The following SLC6A2 variants were observed in gnomAD, a reference collection of about 807,000 sequenced individuals.
The protein encoded by SLC6A2 is sodium-dependent noradrenaline transporter.
SLC6A2 carries 26 observed loss-of-function variants against 71.7 expected under a neutral mutation model. The ratio of observed to expected loss-of-function variants is 0.36; its 90% CI spans 0.27 to 0.50. SLC6A2 has a LOEUF of 0.50. Among genes scored for constraint, SLC6A2 ranks in the 20% least tolerant of loss-of-function variants. SLC6A2 has a pLI of 0.96. For synonymous variants in SLC6A2, 363 were observed against 337.9 expected, an observed-to-expected ratio of 1.07 and a Z score of -0.82; for missense variants, 581 against 803.9, an observed-to-expected ratio of 0.72 and a Z score of 3.35.
intron 4 of SLC6A2, among the ~76,000 whole-genome samples, chr16:55,682,993 A>G (rs1470436245): frequency 6.6e-6 from 1 of 152,232 alleles, no homozygotes; most frequent in East Asian, 1.9e-4. Flanking sequence ...TCCGAGGCCC[A>G]GATGGGCTGG....
Position 55,703,484 on chromosome 16 carries a change from C to G in SLC6A2, c.*1138C>G, listed in dbSNP as rs1966034684. On this transcript the variant is annotated 3_prime_UTR_variant, in exon 15 of 15. Coordinates refer to ENST00000568943, the MANE Select transcript of SLC6A2 (RefSeq NM_001172501.3). ...GAGACAAGCAGCCCAGAAATACTCT[C>G]TCAAGTGGAGGGGAGAATTTTGAGA... 1 of 985,300 alleles carries G rather than the reference C, an allele frequency of 1.0e-6. No individual in the cohort carries two copies. The highest frequency in any genetic ancestry group is 1.7e-5 in the African/African-American group (1 of 57,234). 61.0% of individuals were successfully genotyped at this position (985,300 alleles called of 1,614,324 possible). A position where few individuals can be genotyped will look rare whatever the true frequency, so the allele number is the denominator to read the frequency against.
chr16:55,659,943 G>T (rs9937434), intron 2 of SLC6A2, among the ~76,000 whole-genome samples: 1 of 151,992 alleles, frequency 6.6e-6, no homozygotes, highest in Admixed American at 6.6e-5. Flanking sequence ...AATAACTCAT[G>T]GAGAGCCTGG....
chr16:55,679,890 C>T (rs567012783), intron 4 of SLC6A2, among the ~76,000 whole-genome samples: 26 of 152,280 alleles, frequency 1.7e-4, no homozygotes, highest in Admixed American at 1.0e-3. Flanking sequence ...TCGATGCTTT[C>T]GACTTTTTCG....
At chr16:55,701,384 T>C (rs1280638921) in intron 13 of SLC6A2, among the ~76,000 whole-genome samples, 1 of 152,234 alleles carries the variant, frequency 6.6e-6, no homozygotes, top group Non-Finnish European at 1.5e-5. Flanking sequence ...AGAGGCTTCC[T>C]GCTACCAGTG....
At chr16:55,662,435 G>T (rs545106825) in intron 2 of SLC6A2, among the ~76,000 whole-genome samples, 9 of 152,322 alleles carry the variant, frequency 5.9e-5, no homozygotes, top group African/African-American at 1.9e-4. Context: ...AGGGGCTCAT[G>T]ATATGCTGCA....
Position 55,703,305 on chromosome 16 carries a change from A to C in SLC6A2, c.*959A>C. 2.0e-6 allele frequency: 2 copies of C among 985,472 alleles called. No homozygotes were observed. The highest frequency in any genetic ancestry group is 2.4e-6 in the Non-Finnish European group (2 of 829,954). The allele number at this position is 985,472 out of a possible 1,614,324, so 61.0% of individuals were successfully genotyped here. On this transcript the variant is annotated 3_prime_UTR_variant, in exon 15 of 15. Transcript: ENST00000568943. Reference sequence around the variant, plus strand: ...CAAGGCCAGGTGGGTGCCCAAAGGGAGCCTGACAGGCTGTTGTGTTAATTT... The same window carrying C: ...CAAGGCCAGGTGGGTGCCCAAAGGGCGCCTGACAGGCTGTTGTGTTAATTT...
rs1286341845 is a variant in SLC6A2 at position 55,704,091 on chromosome 16, A to G, written c.*1745A>G. The G allele has an allele frequency of 6.6e-6, 1 of 152,236 alleles. No homozygotes were observed. Among genetic ancestry groups the G allele is most frequent in the Non-Finnish European group, 1.5e-5 (1 of 68,044 alleles). 9.4% of individuals were successfully genotyped at this position (152,236 alleles called of 1,614,324 possible). A position where few individuals can be genotyped will look rare whatever the true frequency, so the allele number is the denominator to read the frequency against. On this transcript the variant is annotated 3_prime_UTR_variant, in exon 15 of 15. Coordinates refer to ENST00000568943, the MANE Select transcript of SLC6A2 (RefSeq NM_001172501.3). The stretch of plus-strand genomic sequence containing the variant: ...ACAATCAGGTCGGGGTCTGGGCCCC[A>G]TTAGTGACTTTATATCCTCCCATAA...
chr16:55,663,450 A>T (rs1437633466), intron 2 of SLC6A2, among the ~76,000 whole-genome samples: 2 of 152,114 alleles, frequency 1.3e-5, no homozygotes, highest in Non-Finnish European at 2.9e-5. Context: ...CCCACCAGAT[A>T]CAGCTGCCCA....
intron 4 of SLC6A2, among the ~76,000 whole-genome samples, chr16:55,683,830 C>T (rs1222880988): frequency 6.6e-6 from 1 of 152,084 alleles, no homozygotes; most frequent in South Asian, 2.1e-4. Context: ...TAGTCAGTAA[C>T]CCCCTCAACC....
chr16:55,674,282 G>A (rs1384686986), intron 4 of SLC6A2, among the ~76,000 whole-genome samples: 5 of 152,024 alleles, frequency 3.3e-5, no homozygotes, highest in Non-Finnish European at 7.3e-5. Context: ...GTAAGAACGT[G>A]CAGTATTTGG....
chr16:55,663,573 C>G (rs1244819072), intron 2 of SLC6A2, among the ~76,000 whole-genome samples: 1 of 152,214 alleles, frequency 6.6e-6, no homozygotes, highest in East Asian at 1.9e-4. Context: ...AAGGCACTCC[C>G]TCACCTTCAC....
chr16:55,674,591 A>T (rs971232582), intron 4 of SLC6A2, among the ~76,000 whole-genome samples: 28 of 151,782 alleles, frequency 1.8e-4, no homozygotes, highest in African/African-American at 6.8e-4. Context: ...CGCCTGGCTA[A>T]TTTTTGAATT....
intron 3 of SLC6A2, among the ~76,000 whole-genome samples, chr16:55,671,405 C>G (rs1345393284): frequency 1.3e-5 from 2 of 152,058 alleles, no homozygotes; most frequent in Admixed American, 1.3e-4. Flanking sequence ...AGCTCTCGGG[C>G]AAAGAGATGG....
chr16:55,676,510 G>A (rs1965093236), intron 4 of SLC6A2, among the ~76,000 whole-genome samples: 1 of 152,104 alleles, frequency 6.6e-6, no homozygotes, highest in Non-Finnish European at 1.5e-5. Flanking sequence ...AACCCTGAGA[G>A]TGCGCATCTC....
chr16:55,660,938 A>G (rs1243020017), intron 2 of SLC6A2, among the ~76,000 whole-genome samples: 4 of 152,222 alleles, frequency 2.6e-5, no homozygotes, highest in African/African-American at 9.6e-5. Context: ...TTCTGAATGA[A>G]TTACTGGAAA....
intron 2 of SLC6A2, among the ~76,000 whole-genome samples, chr16:55,668,948 C>G (rs1306718787): frequency 6.6e-6 from 1 of 152,180 alleles, no homozygotes; most frequent in East Asian, 1.9e-4. Context: ...CTCTGCCCCT[C>G]AGTTTGCCCT....
At position 55,705,342 on chromosome 16, in the gene SLC6A2, T is replaced by C; in HGVS notation, c.*2996T>C. On this transcript the variant is annotated 3_prime_UTR_variant, in exon 15 of 15. Transcript: ENST00000568943. ...CTCAGCTGGGAGCCAGTTCCTGCTA[T>C]ATGATCTGTTTTCTAGCCTCGCTAA... 4.6e-6 allele frequency: 5 copies of C among 1,081,104 alleles called. No homozygotes were observed. Among genetic ancestry groups the C allele is most frequent in the East Asian group, 2.6e-5 (1 of 38,602 alleles). 67.0% of individuals were successfully genotyped at this position (1,081,104 alleles called of 1,614,324 possible). A position where few individuals can be genotyped will look rare whatever the true frequency, so the allele number is the denominator to read the frequency against.
chr16:55,665,496 T>C (rs1244931418), intron 2 of SLC6A2, among the ~76,000 whole-genome samples: 2 of 152,160 alleles, frequency 1.3e-5, no homozygotes, highest in African/African-American at 4.8e-5. Flanking sequence ...ATTCTGTGGA[T>C]TGGCACTTCT....
chr16:55,691,208 G>A (rs1405030482), intron 5 of SLC6A2, among the ~76,000 whole-genome samples: 2 of 129,272 alleles, frequency 1.5e-5, no homozygotes, highest in African/African-American at 5.8e-5. Context: ...GAGAGAAAAA[G>A]AGAGGGGGGG....
Sources: allele counts gnomAD v4.1 joint callset (sites outside exome capture counted in the v4.1 genomes callset), GRCh38; gene constraint gnomAD v4.1.1; transcripts MANE v1.5; gene names NCBI Gene and HGNC (gene_info 2026-07-23, HGNC 2026-07-21).